Variants in GRIN2B observed in about 807,000 individuals in gnomAD.
GRIN2B encodes glutamate receptor ionotropic, NMDA 2B.
GRIN2B carries 5 observed loss-of-function variants against 114.5 expected under a neutral mutation model. That is an observed-to-expected ratio of 0.04 (90% CI 0.02 to 0.09). The LOEUF (loss-of-function observed/expected upper bound fraction) is 0.09, where lower values mean the gene tolerates loss of function less well. GRIN2B is among the 10% of genes least tolerant of loss of function. The pLI is 1.00. For missense variants in GRIN2B, 1,108 were observed against 1,943.5 expected (o/e 0.57, Z 8.08); for synonymous variants, 787 against 745.1 (o/e 1.06, Z -0.92).
intron 4 of GRIN2B, among the ~76,000 whole-genome samples, chr12:13,678,493 TACA>T (rs1232684758): frequency 6.6e-6 from 1 of 152,136 alleles, no homozygotes; most frequent in African/African-American, 2.4e-5. Flanking sequence ...GATTCTCATA[TACA>T]ACATCAGACT....
At position 13,659,903 on chromosome 12, in the gene GRIN2B, T is replaced by C. The variant is rs183656481; in HGVS notation, c.1125+15842A>G. ...AACTTAGTGGTATAAAGCACAAATATTGATTATCCCACAGTTTCTGTCGGT... is the reference window on the plus strand; with the variant it reads ...AACTTAGTGGTATAAAGCACAAATACTGATTATCCCACAGTTTCTGTCGGT... On this transcript the variant is annotated intron_variant, in intron 5 of 13. Transcript: ENST00000609686. Among the ~76,000 whole-genome samples the C allele has an allele frequency of 1.1e-3, 169 of 152,338 alleles. 1 individual carries two copies. Among genetic ancestry groups the C allele is most frequent in the African/African-American group, 3.8e-3 (158 of 41,584 alleles).
At chr12:13,738,828 G>A (rs905632223) in intron 4 of GRIN2B, among the ~76,000 whole-genome samples, 3 of 152,090 alleles carry the variant, frequency 2.0e-5, no homozygotes, top group African/African-American at 7.2e-5. Flanking sequence ...GTCTGTTCCC[G>A]GGCCCTTACC....
intron 3 of GRIN2B, among the ~76,000 whole-genome samples, chr12:13,822,763 A>G (rs938365197): frequency 6.9e-6 from 1 of 144,054 alleles, no homozygotes; most frequent in African/African-American, 2.6e-5. Flanking sequence ...ACATCCGCCA[A>G]TCTTTTGATA....
At position 13,547,995 on chromosome 12, in the gene GRIN2B, T is replaced by TTTTTTTTTTTTTTTTTC. The variant is rs71067707; in HGVS notation, c.*14787_*14788insGAAAAAAAAAAAAAAAA. 3 of 125,158 alleles carry TTTTTTTTTTTTTTTTTC rather than the reference T, an allele frequency of 2.4e-5. No homozygotes were observed. Among genetic ancestry groups the TTTTTTTTTTTTTTTTTC allele is most frequent in the Non-Finnish European group, 3.5e-5 (2 of 57,714 alleles). The allele number at this position is 125,158 out of a possible 1,614,324, so 7.8% of individuals were successfully genotyped here. On this transcript the variant is annotated 3_prime_UTR_variant, in exon 14 of 14. Transcript: ENST00000609686. ...TATATATATATATTTTTTTTTTTTT[T>TTTTTTTTTTTTTTTTTC]CTGAAAGCTACAGAAGAGACCACGG...
intron 3 of GRIN2B, among the ~76,000 whole-genome samples, chr12:13,789,164 A>C (rs895084283): frequency 3.3e-5 from 5 of 152,170 alleles, no homozygotes; most frequent in Non-Finnish European, 7.3e-5. Flanking sequence ...ATAGACTTGC[A>C]TGTCAGAGGT....
intron 4 of GRIN2B, among the ~76,000 whole-genome samples, chr12:13,735,541 T>C (rs1863162468): frequency 6.6e-6 from 1 of 152,214 alleles, no homozygotes. Flanking sequence ...TTTCATTGTC[T>C]CATGGCATAA....
intron 10 of GRIN2B, among the ~76,000 whole-genome samples, chr12:13,579,392 T>C (rs1948816262): frequency 6.6e-6 from 1 of 152,218 alleles, no homozygotes; most frequent in African/African-American, 2.4e-5. Flanking sequence ...GATAGCTGTG[T>C]GACCTTGATC....
At chr12:13,767,196 C>T (rs1457597047) in intron 3 of GRIN2B, among the ~76,000 whole-genome samples, 1 of 147,552 alleles carries the variant, frequency 6.8e-6, no homozygotes, top group African/African-American at 2.5e-5. Context: ...GGAGGCGGAG[C>T]TTGCAGTGAG....
At chr12:13,683,311 T>C (rs1950148505) in intron 4 of GRIN2B, among the ~76,000 whole-genome samples, 1 of 152,120 alleles carries the variant, frequency 6.6e-6, no homozygotes, top group South Asian at 2.1e-4. Context: ...ATAACACACG[T>C]ACACACTCAT....
At position 13,954,189 on chromosome 12, in the gene GRIN2B, G is replaced by A. The variant is rs1422991387; in HGVS notation, c.-19+25739C>T. ...CTTTCAGATATAATCTGCCTACTAG[G>A]TCTGGGCCTAACCCACAATGGCATT... On this transcript the variant is annotated intron_variant, in intron 2 of 13. Coordinates refer to ENST00000609686, the MANE Select transcript of GRIN2B (RefSeq NM_000834.5). 4.6e-5 allele frequency among the ~76,000 whole-genome samples: 7 copies of A among 152,112 alleles called. 1 individual carries two copies. Among genetic ancestry groups the A allele is most frequent in the Non-Finnish European group, 7.3e-5 (5 of 68,032 alleles).
intron 3 of GRIN2B, among the ~76,000 whole-genome samples, chr12:13,799,997 T>C (rs1864479401): frequency 6.6e-6 from 1 of 152,130 alleles, no homozygotes; most frequent in South Asian, 2.1e-4. Flanking sequence ...ATACCAGCCA[T>C]TCTTCAGTGT....
intron 10 of GRIN2B, among the ~76,000 whole-genome samples, chr12:13,592,624 G>T (rs753326123): frequency 2.0e-5 from 3 of 152,126 alleles, no homozygotes; most frequent in Non-Finnish European, 4.4e-5. Context: ...TTGGAGGAAA[G>T]GAAAATGAAT....
intron 4 of GRIN2B, among the ~76,000 whole-genome samples, chr12:13,707,704 T>A (rs956888905): frequency 1.3e-5 from 2 of 151,926 alleles, no homozygotes; most frequent in Non-Finnish European, 2.9e-5. Context: ...TTGAGATAGG[T>A]GGAGAATGTG....
intron 3 of GRIN2B, among the ~76,000 whole-genome samples, chr12:13,844,279 AATTCCTCTGTATGGGTCC>A (rs1372665061): frequency 6.6e-6 from 1 of 152,112 alleles, no homozygotes. Flanking sequence ...CTTATTTTAA[AATTCCTCTGTATGGGTCC>A]ATTCCTCTGT....
At chr12:13,669,180 G>C (rs750793281) in intron 5 of GRIN2B, among the ~76,000 whole-genome samples, 1 of 151,974 alleles carries the variant, frequency 6.6e-6, no homozygotes, top group Non-Finnish European at 1.5e-5. Context: ...ACTTCTCTCT[G>C]TTAAGAAATT....
chr12:13,942,680 C>T (rs1867281912), intron 2 of GRIN2B, among the ~76,000 whole-genome samples: 1 of 152,142 alleles, frequency 6.6e-6, no homozygotes, highest in African/African-American at 2.4e-5. Flanking sequence ...ATTTCCAACT[C>T]TTCATTCATA....
chr12:13,691,829 G>A (rs1413081055), intron 4 of GRIN2B, among the ~76,000 whole-genome samples: 1 of 152,124 alleles, frequency 6.6e-6, no homozygotes, highest in Admixed American at 6.5e-5. Context: ...GCCAAAATAA[G>A]TCAAGATCCA....
rs1046164669 is a variant in GRIN2B at position 13,859,102 on chromosome 12, G to A, written c.411+6696C>T. Among the ~76,000 whole-genome samples, 3 of 152,152 alleles carry A rather than the reference G, an allele frequency of 2.0e-5. No individual in the cohort carries two copies. The South Asian group carries it at 6.2e-4, about 32-fold the overall frequency. On this transcript the variant is annotated intron_variant, in intron 3 of 13. Coordinates refer to ENST00000609686, the MANE Select transcript of GRIN2B (RefSeq NM_000834.5). ...AAGGCTTGCTACCCTTTATAAGCTGGGTGTTATTTTTGTTTTCACTTTACA... is the reference window on the plus strand; with the variant it reads ...AAGGCTTGCTACCCTTTATAAGCTGAGTGTTATTTTTGTTTTCACTTTACA...
chr12:13,936,127 T>C (rs138828464), intron 2 of GRIN2B, among the ~76,000 whole-genome samples: 2 of 152,230 alleles, frequency 1.3e-5, no homozygotes, highest in Non-Finnish European at 2.9e-5. Flanking sequence ...CTCTATGAAT[T>C]CATGGCTGAG....
Sources: gnomAD v4.1 joint callset for allele counts (sites outside exome capture counted in the v4.1 genomes callset) on GRCh38, gnomAD v4.1.1 for gene constraint, MANE v1.5 for transcripts, NCBI Gene and HGNC (gene_info 2026-07-23, HGNC 2026-07-21) for gene names.